Variants in ZNF169 observed in about 807,000 individuals in gnomAD.
The protein encoded by ZNF169 is zinc finger protein 169.
A neutral mutation model predicts 12.0 loss-of-function variants in ZNF169; 11 were observed. The observed-to-expected ratio is 0.92, with a 90% CI of 0.58 to 1.52. ZNF169 has a LOEUF of 1.52. Among genes scored for constraint, ZNF169 ranks in the 40% most tolerant of loss-of-function variants. The probability of loss-of-function intolerance (pLI) is 0.00; values close to 1 mark genes in which losing one functional copy is unlikely to be tolerated. For missense variants in ZNF169, 722 were observed against 744.0 expected (o/e 0.97, Z 0.34); for synonymous variants, 302 against 286.5 (o/e 1.05, Z -0.55).
At chr9:94,296,041 C>T (rs1422572064) in intron 4 of ZNF169, among the ~76,000 whole-genome samples, 1 of 152,168 alleles carries the variant, frequency 6.6e-6, no homozygotes, top group African/African-American at 2.4e-5. Flanking sequence ...TTTGTCAAAA[C>T]TTGGCTTGGT....
intron 4 of ZNF169, among the ~76,000 whole-genome samples, chr9:94,298,728 C>CAAAA (rs59009101): frequency 9.5e-6 from 1 of 105,068 alleles, no homozygotes; most frequent in Non-Finnish European, 2.0e-5. Context: ...GACTCTGTCT[C>CAAAA]AAAAAAAAAA....
intron 2 of ZNF169, among the ~76,000 whole-genome samples, chr9:94,291,503 C>G (rs543490226): frequency 6.6e-6 from 1 of 152,190 alleles, no homozygotes; most frequent in South Asian, 2.1e-4. Context: ...AAGAGACATA[C>G]AGATCATTAA....
chr9:94,280,380 TG>T, intron 2 of ZNF169, among the ~76,000 whole-genome samples: 1 of 152,310 alleles, frequency 6.6e-6, no homozygotes. Context: ...TAGCAAAACA[TG>T]GAATATTGGC....
intron 4 of ZNF169, among the ~76,000 whole-genome samples, chr9:94,296,029 T>C (rs1830943673): frequency 6.6e-6 from 1 of 152,218 alleles, no homozygotes; most frequent in South Asian, 2.1e-4. Context: ...AGGTGTTCCA[T>C]ATTTGTCAAA....
intron 4 of ZNF169, chr9:94,295,397 A>C (rs1830929743): frequency 1.3e-5 from 2 of 152,246 alleles, no homozygotes; most frequent in Admixed American, 6.5e-5. Context: ...ATTATAAGAT[A>C]TGTTTTTTAA....
chr9:94,277,990 C>T (rs967325107), intron 1 of ZNF169, among the ~76,000 whole-genome samples: 2 of 151,056 alleles, frequency 1.3e-5, no homozygotes, highest in African/African-American at 4.9e-5. Context: ...ACACCATTAA[C>T]AATAATTCTC....
Position 94,300,502 on chromosome 9 carries a change from A to G in ZNF169, c.944A>G (p.Glu315Gly), listed in dbSNP as rs999903650. ...AATCACAAGAGGATTCACTCCGGGG[A>G]GAGGCCCTTTGTATGTCAGGAGTGT... ...LTNHKRIHSG[E>G]RPFVCQECGR... Residue 315 changes from glutamate (E) to glycine (G), a missense_variant, in exon 5 of 5, where the codon GAG becomes GGG. Transcript: ENST00000395395. 40 of 1,614,096 alleles carry G rather than the reference A, an allele frequency of 2.5e-5. No individual in the cohort carries two copies. Among genetic ancestry groups the G allele is most frequent in the Non-Finnish European group, 3.0e-5 (35 of 1,180,044 alleles).
Position 94,301,563 on chromosome 9 carries a change from G to A in ZNF169, c.*193G>A. ...TCCATAACAAAGTACCCCAGGCTGG[G>A]TGATTTTGACAACGGAAATATATTT... On this transcript the variant is annotated 3_prime_UTR_variant, in exon 5 of 5. Transcript: ENST00000395395. The A allele has an allele frequency of 9.8e-7, 1 of 1,021,214 alleles. No individual in the cohort carries two copies. The highest frequency in any genetic ancestry group is 1.3e-6 in the Non-Finnish European group (1 of 744,362). 63.3% of individuals were successfully genotyped at this position (1,021,214 alleles called of 1,614,324 possible).
chr9:94,287,690 G>A (rs749006539), intron 2 of ZNF169: 162 of 1,069,164 alleles, frequency 1.5e-4, no homozygotes, highest in Admixed American at 6.5e-4. Context: ...TAAACAATAC[G>A]GTGTTCATTT....
At chr9:94,269,668 G>A (rs1587670625) in intron 1 of ZNF169, among the ~76,000 whole-genome samples, 1 of 152,144 alleles carries the variant, frequency 6.6e-6, no homozygotes, top group Admixed American at 6.6e-5. Context: ...GGGAGGAAGA[G>A]AGTTTTTATT....
chr9:94,292,628 T>TGTGTGTGTGTGTGTGA (rs1830866736), intron 3 of ZNF169, 161 bp downstream of exon 3: 5 of 848,830 alleles, frequency 5.9e-6, no homozygotes, highest in Non-Finnish European at 8.9e-6. Context: ...TGTGTGTGTG[T>TGTGTGTGTGTGTGTGA]GTGTGTGTGT....
chr9:94,288,299 C>T (rs1401410304), intron 2 of ZNF169: 3 of 849,220 alleles, frequency 3.5e-6, no homozygotes, highest in Non-Finnish European at 6.1e-6. Flanking sequence ...TCCACAGTAA[C>T]CTCAGTGCCT....
rs182225015 is a variant in ZNF169 at position 94,296,979 on chromosome 9, G to A, written c.257-2836G>A. 356 of 343,260 alleles carry A rather than the reference G, an allele frequency of 1.0e-3. 1 individual carries two copies. Among genetic ancestry groups the A allele is most frequent in the Non-Finnish European group, 1.6e-3 (279 of 174,934 alleles). The allele number at this position is 343,260 out of a possible 1,614,324, so 21.3% of individuals were successfully genotyped here. A position where few individuals can be genotyped will look rare whatever the true frequency, so the allele number is the denominator to read the frequency against. Reference sequence around the variant, plus strand: ...GGAGGATCGCGTGAACTCGGGAGGCGGAGGTTGCAGTGAGCCGAGATCACA... The same window carrying A: ...GGAGGATCGCGTGAACTCGGGAGGCAGAGGTTGCAGTGAGCCGAGATCACA... On this transcript the variant is annotated intron_variant, in intron 4 of 4. Coordinates refer to ENST00000395395, the MANE Select transcript of ZNF169 (RefSeq NM_194320.4).
intron 1 of ZNF169, among the ~76,000 whole-genome samples, chr9:94,259,926 GTC>G (rs1165244020): frequency 1.3e-5 from 2 of 152,082 alleles, no homozygotes; most frequent in African/African-American, 4.8e-5. Flanking sequence ...TTGAAACAGA[GTC>G]TCTCTCTGTC....
chr9:94,278,115 T>G (rs1830557792), intron 1 of ZNF169, among the ~76,000 whole-genome samples: 1 of 152,174 alleles, frequency 6.6e-6, no homozygotes, highest in African/African-American at 2.4e-5. Flanking sequence ...TAAGAAATAT[T>G]TTCATTAAGA....
At chr9:94,277,777 A>G (rs1327633687) in intron 1 of ZNF169, among the ~76,000 whole-genome samples, 2 of 151,718 alleles carry the variant, frequency 1.3e-5, no homozygotes, top group Non-Finnish European at 2.9e-5. Flanking sequence ...TAAAAATACA[A>G]AAAAATTAGC....
Position 94,285,244 on chromosome 9 carries a change from G to T in ZNF169, c.33+6399G>T, listed in dbSNP as rs144008466. On this transcript the variant is annotated intron_variant, in intron 2 of 4. Transcript: ENST00000395395. ...AGAATGCCTCAGCAAGGAAATAAAA[G>T]GTTTTAAGAATAAGTATATGGAAAT... Among the ~76,000 whole-genome samples the T allele has an allele frequency of 9.2e-5, 14 of 152,202 alleles. No individual in the cohort carries two copies. In the East Asian group the frequency reaches 2.7e-3, roughly 29 times the overall value.
At chr9:94,280,778 G>C (rs1045850304) in intron 2 of ZNF169, among the ~76,000 whole-genome samples, 2 of 152,086 alleles carry the variant, frequency 1.3e-5, no homozygotes, top group Non-Finnish European at 2.9e-5. Flanking sequence ...TAAAGAGAGC[G>C]GGGGTACCAG....
rs544805873 is a variant in ZNF169, at chr9:94,264,133, C to G, written c.-56+4788C>G. 5.9e-5 allele frequency among the ~76,000 whole-genome samples: 8 copies of G among 135,422 alleles called. No individual in the cohort carries two copies. In the East Asian group the frequency reaches 1.9e-3, roughly 33 times the overall value. The allele number at this position is 135,422 out of a possible 152,430, so 88.8% of individuals were successfully genotyped here. ...GCAAATATAATGTATTTGCTATAAA[C>G]AGTCTTTTATTTTATCTTTTTGAGG... On this transcript the variant is annotated intron_variant, in intron 1 of 4. Transcript: ENST00000395395.
Sources: gnomAD v4.1 joint callset for allele counts (sites outside exome capture counted in the v4.1 genomes callset) on GRCh38, gnomAD v4.1.1 for gene constraint, MANE v1.5 for transcripts, NCBI Gene and HGNC (gene_info 2026-07-23, HGNC 2026-07-21) for gene names.